Variants in COL12A1 observed in about 807,000 individuals in gnomAD.
COL12A1 encodes collagen type XII alpha 1 chain, also known as collagen alpha-1(XII) chain.
Under a neutral mutation model 349.7 loss-of-function variants are expected in COL12A1, and 114 were observed. The ratio of observed to expected loss-of-function variants is 0.33; its 90% CI spans 0.28 to 0.38. The LOEUF is 0.38. Ranked by LOEUF, COL12A1 falls within the 10% of genes least tolerant of loss-of-function variation. COL12A1 has a pLI of 1.00. For synonymous variants in COL12A1, 1,369 were observed against 1,329.0 expected (o/e 1.03, Z -0.66); for missense variants, 3,284 against 3,756.9 (o/e 0.87, Z 3.29).
chr6:75,090,948 G>C lies in COL12A1; in HGVS notation c.8752+375C>G, dbSNP rs1767730802. Among the ~76,000 whole-genome samples the C allele has an allele frequency of 6.6e-6, 1 of 152,164 alleles. No individual in the cohort carries two copies. The highest frequency in any genetic ancestry group is 2.4e-5 in the African/African-American group (1 of 41,436). On this transcript the variant is annotated intron_variant, in intron 62 of 65. Coordinates refer to ENST00000322507, the MANE Select transcript of COL12A1 (RefSeq NM_004370.6). The surrounding 1 kb of genome is among the most constrained non-coding windows in gnomAD (Gnocchi z 4.1). ...TTACTTAACAGGCCTTATGGAATAAGAAGAGCCTGTGAAAAACAGGCAAGA... is the reference window on the plus strand; with the variant it reads ...TTACTTAACAGGCCTTATGGAATAACAAGAGCCTGTGAAAAACAGGCAAGA...
chr6:75,131,246 T>C (rs891469201), intron 35 of COL12A1, among the ~76,000 whole-genome samples: 3 of 152,118 alleles, frequency 2.0e-5, no homozygotes, highest in African/African-American at 7.2e-5. Context: ...GATTCTCAAA[T>C]ATAACATGCA....
Position 75,165,611 on chromosome 6 carries a change from G to T in COL12A1, c.2879C>A (p.Thr960Lys). 6.2e-7 allele frequency: 1 copy of T among 1,613,862 alleles called. No individual in the cohort carries two copies. The highest frequency in any genetic ancestry group is 8.5e-7 in the Non-Finnish European group (1 of 1,179,916). Reference sequence around the variant, plus strand: ...CTCTGGCTGCAGATTTTCTATCATCGTATGAATTGCATCTTCAGGCAGATT... The same window carrying T: ...CTCTGGCTGCAGATTTTCTATCATCTTATGAATTGCATCTTCAGGCAGATT... ...EKNLPEDAIH[T>K]MIENLQPETK... is the part of the protein sequence containing the mutation. The change falls in exon 14 of 66, where the codon ACG becomes AAG. Residue 960 changes from threonine (T) to lysine (K), a missense_variant. By Grantham distance (78) the Thr-to-Lys change is moderately conservative. Coordinates refer to ENST00000322507, the MANE Select transcript of COL12A1 (RefSeq NM_004370.6).
rs1767399087 is a variant in COL12A1, at chr6:75,084,749, G to A, written c.*1798C>T. 6.4e-6 allele frequency: 1 copy of A among 156,758 alleles called. No individual in the cohort carries two copies. The highest frequency in any genetic ancestry group is 1.4e-5 in the Non-Finnish European group (1 of 70,294). 9.7% of individuals were successfully genotyped at this position (156,758 alleles called of 1,614,324 possible). ...GATAAGTAATTGCAATGGAGTTGAC[G>A]TTTCCCTCCTTTTTGGTTTTAGGAG... On this transcript the variant is annotated 3_prime_UTR_variant, in exon 66 of 66. Transcript: ENST00000322507.
Position 75,142,237 on chromosome 6 carries a change from C to T in COL12A1, c.4828-76G>A, listed in dbSNP as rs893036219. 13 of 1,527,214 alleles carry T rather than the reference C, an allele frequency of 8.5e-6. No homozygotes were observed. The African/African-American group carries it at 1.8e-4, about 21-fold the overall frequency. The allele number at this position is 1,527,214 out of a possible 1,614,324, so 94.6% of individuals were successfully genotyped here. A position where few individuals can be genotyped will look rare whatever the true frequency, so the allele number is the denominator to read the frequency against. ...GACATCTCTCTGTTGTTTACTGTACCTGTCAGCGTAAGAATATAAAATTGT... is the reference window on the plus strand; with the variant it reads ...GACATCTCTCTGTTGTTTACTGTACTTGTCAGCGTAAGAATATAAAATTGT... On this transcript the variant is annotated intron_variant, in intron 26 of 65. Coordinates refer to ENST00000322507, the MANE Select transcript of COL12A1 (RefSeq NM_004370.6).
chr6:75,155,502 A>G (rs186770289), intron 16 of COL12A1, among the ~76,000 whole-genome samples, 160 bp downstream of exon 16: 46 of 152,338 alleles, frequency 3.0e-4, no homozygotes, highest in Admixed American at 2.7e-3. Flanking sequence ...CAACTCCAGC[A>G]GCACCAAGCA....
intron 49 of COL12A1, 70 bp from the exon 50 acceptor site, chr6:75,113,814 T>C (rs1768953655): frequency 8.4e-7 from 1 of 1,187,210 alleles, no homozygotes; most frequent in Non-Finnish European, 1.2e-6. Context: ...AAAGATTGAT[T>C]GCTTTAACAT....
At chr6:75,193,561 TTTTC>T (rs1472553380) in intron 3 of COL12A1, among the ~76,000 whole-genome samples, 1 of 152,112 alleles carries the variant, frequency 6.6e-6, no homozygotes, top group Non-Finnish European at 1.5e-5. Flanking sequence ...GAAGTAGTTA[TTTTC>T]TTTCTTTGTT....
intron 63 of COL12A1, 27 bp from the exon 64 acceptor site, chr6:75,089,201 CA>C: frequency 1.9e-6 from 3 of 1,540,698 alleles, no homozygotes; most frequent in Non-Finnish European, 2.6e-6. Context: ...AGAGAAAGCA[CA>C]GGGGAAAAAT....
intron 3 of COL12A1, among the ~76,000 whole-genome samples, chr6:75,193,725 C>G (rs191188430): frequency 1.3e-5 from 2 of 151,240 alleles, no homozygotes; most frequent in African/African-American, 2.4e-5. Context: ...ATCCCTCCCC[C>G]CTCCCCACAC....
chr6:75,111,435 C>T (rs1269920366), intron 51 of COL12A1, among the ~76,000 whole-genome samples: 1 of 151,578 alleles, frequency 6.6e-6, no homozygotes, highest in African/African-American at 2.4e-5. Flanking sequence ...CTACAGACCT[C>T]TAAAAAATAC....
In COL12A1 at chr6:75,141,981, T is replaced by G. The variant is rs1309451955; in HGVS notation, c.4957+51A>C. The stretch of plus-strand genomic sequence containing the variant: ...ATGACCCAGTAAATTGTGTTACACA[T>G]GCATGTAAAGTGTTGTTTCCCATTA... On this transcript the variant is annotated intron_variant, in intron 27 of 65. Transcript: ENST00000322507. The G allele has an allele frequency of 3.7e-6, 6 of 1,607,278 alleles. No individual in the cohort carries two copies. The South Asian group carries it at 6.6e-5, about 18-fold the overall frequency.
intron 14 of COL12A1, among the ~76,000 whole-genome samples, chr6:75,163,426 AC>A (rs1768121158): frequency 6.6e-6 from 1 of 152,012 alleles, no homozygotes; most frequent in Non-Finnish European, 1.5e-5. Context: ...AAAACCAAAC[AC>A]CATATGTTCT....
chr6:75,125,852 T>A (rs1765988291), intron 39 of COL12A1, among the ~76,000 whole-genome samples: 1 of 152,146 alleles, frequency 6.6e-6, no homozygotes, highest in South Asian at 2.1e-4. Flanking sequence ...TTTCTTCCAG[T>A]TTCTCTAAGA....
At chr6:75,112,160 A>G (rs1286990467) in intron 51 of COL12A1, among the ~76,000 whole-genome samples, 1 of 151,808 alleles carries the variant, frequency 6.6e-6, no homozygotes, top group African/African-American at 2.4e-5. Context: ...AAATACTATT[A>G]AAAAGTCAAT....
chr6:75,106,299 G>T (rs1395123167), intron 53 of COL12A1, 120 bp downstream of exon 53: 3 of 809,106 alleles, frequency 3.7e-6, no homozygotes, highest in South Asian at 1.7e-5. Context: ...CACACATTGC[G>T]TGTCTTTTAG....
rs768001089 is a variant in COL12A1 at position 75,189,547 on chromosome 6, C to T, written c.658+5G>A. 2 of 1,610,416 alleles carry T rather than the reference C, an allele frequency of 1.2e-6. No individual in the cohort carries two copies. The highest frequency in any genetic ancestry group is 1.7e-5 in the Admixed American group (1 of 59,566). On this transcript the variant is annotated splice_donor_5th_base_variant and intron_variant, in intron 6 of 65. Coordinates refer to ENST00000322507, the MANE Select transcript of COL12A1 (RefSeq NM_004370.6). ...TTTAACTTTAAAAAAATCTGTAGAA[C>T]ATACCTGTCATTGTGTTGCCACCTT...
intron 44 of COL12A1, 94 bp downstream of exon 44, chr6:75,121,208 A>G: frequency 3.3e-6 from 4 of 1,205,638 alleles, no homozygotes; most frequent in Non-Finnish European, 4.4e-6. Flanking sequence ...GTCAAAACAG[A>G]GTTTATATTG....
At position 75,115,910 on chromosome 6, in the gene COL12A1, A is replaced by G; in HGVS notation, c.7571T>C (p.Leu2524Pro). ...CTTTTCTGTCAGGTTGTATGCTTCAAGCATTTTAAAACCTTTACATCAGAA... is the reference window on the plus strand; with the variant it reads ...CTTTTCTGTCAGGTTGTATGCTTCAGGCATTTTAAAACCTTTACATCAGAA... Reference protein sequence around the residue: ...DGYTSPGFKMLEAYNLTEKNF... With the variant: ...DGYTSPGFKMPEAYNLTEKNF... Residue 2524 changes from leucine (L) to proline (P), a missense_variant, in exon 49 of 66, where the codon CTT (leucine) becomes CCT (proline). Leu to Pro is a moderately conservative substitution (Grantham distance 98). Transcript: ENST00000322507. 2 of 1,613,076 alleles carry G rather than the reference A, an allele frequency of 1.2e-6. No homozygotes were observed. Among genetic ancestry groups the G allele is most frequent in the Non-Finnish European group, 1.7e-6 (2 of 1,179,538 alleles).
intron 3 of COL12A1, among the ~76,000 whole-genome samples, chr6:75,194,213 C>T (rs1052272598): frequency 3.9e-5 from 6 of 152,114 alleles, no homozygotes; most frequent in East Asian, 1.9e-4. Flanking sequence ...TTTCTCATTC[C>T]ATTTTAGAAC....
Sources: gnomAD v4.1 joint callset for allele counts (sites outside exome capture counted in the v4.1 genomes callset) on GRCh38, gnomAD v4.1.1 for gene constraint, Gnocchi (gnomAD v3.1) non-coding constraint, MANE v1.5 for transcripts, NCBI Gene and HGNC (gene_info 2026-07-23, HGNC 2026-07-21) for gene names.